Variants in SLC13A3 observed in about 807,000 individuals in gnomAD.
SLC13A3 encodes solute carrier family 13 member 3.
SLC13A3 carries 40 observed loss-of-function variants against 59.0 expected under a neutral mutation model. The ratio of observed to expected loss-of-function variants is 0.68; its 90% confidence interval spans 0.53 to 0.88. The LOEUF is 0.88. Among genes scored for constraint, SLC13A3 ranks in the 40% least tolerant of loss-of-function variants. The pLI, the probability that SLC13A3 is intolerant of heterozygous loss-of-function variation, is 0.00. For missense variants in SLC13A3, 699 were observed against 783.2 expected, an observed-to-expected ratio of 0.89 and a Z score of 1.28; for synonymous variants, 317 against 330.3, an observed-to-expected ratio of 0.96 and a Z score of 0.44.
chr20:46,561,650 G>GTTT lies in SLC13A3; in HGVS notation c.1633-1455_1633-1453dup, dbSNP rs938426995. ...TTTCTTCTGGAATATTCTTATTCAA[G>GTTT]TTTTTTTTTGTTTTTTTTTTTTAAT... On this transcript the variant is annotated intron_variant, in intron 12 of 12. Coordinates refer to ENST00000279027, the MANE Select transcript of SLC13A3 (RefSeq NM_022829.6). 2.2e-5 allele frequency among the ~76,000 whole-genome samples: 3 copies of GTTT among 138,750 alleles called. No homozygotes were observed. The South Asian group carries it at 6.9e-4, about 32-fold the overall frequency. 91.0% of individuals were successfully genotyped at this position (138,750 alleles called of 152,430 possible).
intron 1 of SLC13A3, among the ~76,000 whole-genome samples, chr20:46,676,879 G>T (rs1426020174): frequency 6.6e-6 from 1 of 152,174 alleles, no homozygotes; most frequent in East Asian, 1.9e-4. Flanking sequence ...CTACGCCAGG[G>T]TGGCCAGGAG....
At chr20:46,628,740 A>G (rs2062704860) in intron 1 of SLC13A3, among the ~76,000 whole-genome samples, 1 of 152,236 alleles carries the variant, frequency 6.6e-6, no homozygotes, top group African/African-American at 2.4e-5. Flanking sequence ...TTAAAATTCC[A>G]GTTTCTTAGT....
At chr20:46,632,902 T>TATATAGACAGAC (rs1568947544) in intron 1 of SLC13A3, among the ~76,000 whole-genome samples, 26 of 50,662 alleles carry the variant, frequency 5.1e-4, no homozygotes, top group African/African-American at 2.0e-3. Flanking sequence ...GATAGATAGA[T>TATATAGACAGAC]AGATAGATAT....
chr20:46,589,496 G>C (rs1005148610), intron 6 of SLC13A3, among the ~76,000 whole-genome samples: 2 of 152,142 alleles, frequency 1.3e-5, no homozygotes, highest in Admixed American at 1.3e-4. Flanking sequence ...ATCCATGAGT[G>C]GGTCAAACAG....
At chr20:46,659,841 G>A (rs1382086773) in intron 1 of SLC13A3, among the ~76,000 whole-genome samples, 2 of 151,258 alleles carry the variant, frequency 1.3e-5, no homozygotes, top group Admixed American at 6.6e-5. Flanking sequence ...TTAAATTTGT[G>A]TATTCTATAA....
chr20:46,651,567 C>G, upstream of SLC13A3: 1 of 1,305,136 alleles, frequency 7.7e-7, no homozygotes, highest in Non-Finnish European at 9.7e-7. Flanking sequence ...AAGGGTGGTG[C>G]CTGCGCCCCT....
intron 3 of SLC13A3, among the ~76,000 whole-genome samples, chr20:46,605,825 G>A (rs1286893521): frequency 6.6e-6 from 1 of 152,162 alleles, no homozygotes. Flanking sequence ...TTGACACGAA[G>A]AGGGCCCTCA....
intron 12 of SLC13A3, among the ~76,000 whole-genome samples, chr20:46,562,488 T>C (rs369990600): frequency 2.7e-3 from 415 of 152,280 alleles, no homozygotes; most frequent in Non-Finnish European, 4.9e-3. Flanking sequence ...AGGGCTTCCC[T>C]GCCACCCCTC....
intron 1 of SLC13A3, chr20:46,681,901 C>G (rs1038998320): frequency 5.9e-5 from 9 of 152,132 alleles, no homozygotes; most frequent in African/African-American, 1.9e-4. Flanking sequence ...ATCTATTAGT[C>G]CACACGTGGA....
intron 9 of SLC13A3, among the ~76,000 whole-genome samples, chr20:46,580,132 T>C (rs2062121099): frequency 6.6e-6 from 1 of 152,150 alleles, no homozygotes; most frequent in East Asian, 1.9e-4. Context: ...ATTTTTGTAT[T>C]TTTAGTAGAG....
chr20:46,563,624 G>GAGAGAGAC, intron 11 of SLC13A3, 73 bp from the exon 12 acceptor site: 1 of 1,490,130 alleles, frequency 6.7e-7, no homozygotes, highest in Non-Finnish European at 9.1e-7. Flanking sequence ...GGGAGAGAGA[G>GAGAGAGAC]AGAGAGAGGC....
intron 10 of SLC13A3, 79 bp downstream of exon 10, chr20:46,575,494 G>A (rs1489262992): frequency 6.6e-6 from 5 of 760,580 alleles, no homozygotes; most frequent in Non-Finnish European, 1.0e-5. Context: ...CTCTGATCCT[G>A]GTGCTGCAGC....
At chr20:46,622,998 C>G (rs909145077) in intron 1 of SLC13A3, among the ~76,000 whole-genome samples, 1 of 152,202 alleles carries the variant, frequency 6.6e-6, no homozygotes, top group Non-Finnish European at 1.5e-5. Context: ...GCTCCAAGCC[C>G]TTCTGGCTTC....
intron 1 of SLC13A3, among the ~76,000 whole-genome samples, chr20:46,650,377 T>C (rs971907364): frequency 2.6e-5 from 4 of 152,052 alleles, no homozygotes; most frequent in African/African-American, 9.7e-5. Flanking sequence ...CTCTGGAAAA[T>C]GGGTCAAATA....
intron 10 of SLC13A3, among the ~76,000 whole-genome samples, chr20:46,574,591 TA>T (rs1197902920): frequency 6.6e-6 from 1 of 152,168 alleles, no homozygotes; most frequent in Non-Finnish European, 1.5e-5. Flanking sequence ...ACATTAATAA[TA>T]ACATCCATGA....
intron 8 of SLC13A3, 163 bp from the exon 9 acceptor site, chr20:46,583,832 G>A (rs1302509422): frequency 8.1e-6 from 8 of 985,252 alleles, no homozygotes; most frequent in Non-Finnish European, 9.6e-6. Context: ...CGCTCAGCAT[G>A]GTGCAAAGCT....
At chr20:46,594,245 A>G (rs898668429) in intron 5 of SLC13A3, among the ~76,000 whole-genome samples, 17 of 149,492 alleles carry the variant, frequency 1.1e-4, no homozygotes, top group Admixed American at 4.0e-4. Flanking sequence ...ATATGTTAAT[A>G]TAATATATAT....
At chr20:46,662,087 G>C (rs1349056654) in intron 1 of SLC13A3, among the ~76,000 whole-genome samples, 1 of 152,160 alleles carries the variant, frequency 6.6e-6, no homozygotes, top group Non-Finnish European at 1.5e-5. Flanking sequence ...ATCCATGGCA[G>C]TCTCCTCTTT....
At chr20:46,671,641 G>A (rs1018823901), upstream of SLC13A3, among the ~76,000 whole-genome samples, 2 of 152,164 alleles carry the variant, frequency 1.3e-5, no homozygotes, top group African/African-American at 2.4e-5. Flanking sequence ...AAAAGGAAAA[G>A]GAACAGGGAG....
Sources: gnomAD v4.1 joint callset for allele counts (sites outside exome capture counted in the v4.1 genomes callset) on GRCh38, gnomAD v4.1.1 for gene constraint, MANE v1.5 for transcripts, NCBI Gene and HGNC (gene_info 2026-07-23, HGNC 2026-07-21) for gene names.